ZMYM4: variants seen among roughly 807,000 people sequenced by gnomAD.
ZMYM4 encodes zinc finger MYM-type protein 4.
In ZMYM4, 31 loss-of-function variants were observed where a neutral mutation model predicts 183.2. The ratio of observed to expected loss-of-function variants is 0.17; its 90% CI spans 0.13 to 0.23. ZMYM4 has a LOEUF of 0.23. Ranked by LOEUF, ZMYM4 falls within the 10% of genes least tolerant of loss-of-function variation. The pLI, the probability that ZMYM4 is intolerant of heterozygous loss-of-function variation, is 1.00. For missense variants in ZMYM4, 1,273 were observed against 1,840.3 expected, an observed-to-expected ratio of 0.69 and a Z score of 5.64; for synonymous variants, 592 against 631.2, an observed-to-expected ratio of 0.94 and a Z score of 0.93.
chr1:35,411,193 T>C (rs1363354254), intron 26 of ZMYM4, among the ~76,000 whole-genome samples: 1 of 150,810 alleles, frequency 6.6e-6, no homozygotes, highest in Non-Finnish European at 1.5e-5. Flanking sequence ...TTTTCTTTTT[T>C]TTTTTTTTTT....
At chr1:35,331,797 C>A (rs202202226) in intron 2 of ZMYM4, among the ~76,000 whole-genome samples, 8,808 of 140,634 alleles carry the variant, frequency 0.063, 663 homozygotes, top group African/African-American at 0.17. Context: ...CTCAAAAATA[C>A]ATAAATAAAT....
intron 5 of ZMYM4, among the ~76,000 whole-genome samples, chr1:35,367,544 T>G (rs1181895595): frequency 1.3e-5 from 2 of 152,148 alleles, no homozygotes; most frequent in Non-Finnish European, 2.9e-5. Context: ...TATCCTACAA[T>G]TAGTTTCGTT....
chr1:35,344,046 A>C (rs1380253202), intron 2 of ZMYM4, among the ~76,000 whole-genome samples: 2 of 150,986 alleles, frequency 1.3e-5, no homozygotes, highest in South Asian at 4.2e-4. Context: ...ATAAGCATGG[A>C]ATATTTCTTT....
intron 29 of ZMYM4, among the ~76,000 whole-genome samples, chr1:35,418,789 AATCACTG>A (rs757268403): frequency 1.1e-4 from 17 of 152,250 alleles, no homozygotes; most frequent in Non-Finnish European, 2.2e-4. Context: ...CAAAAGCAAG[AATCACTG>A]CTATTGTTTG....
At chr1:35,311,101 T>A (rs1641775711) in intron 1 of ZMYM4, among the ~76,000 whole-genome samples, 1 of 152,090 alleles carries the variant, frequency 6.6e-6, no homozygotes, top group Non-Finnish European at 1.5e-5. Flanking sequence ...TATCTGTCGC[T>A]ATAGTTTTGT....
intron 1 of ZMYM4, among the ~76,000 whole-genome samples, chr1:35,296,546 G>A (rs1046171422): frequency 4.6e-5 from 7 of 152,138 alleles, no homozygotes; most frequent in Non-Finnish European, 7.3e-5. Context: ...TCCATTGTGT[G>A]TACCTGTCCC....
chr1:35,410,141 C>T (rs1034978027), intron 26 of ZMYM4, among the ~76,000 whole-genome samples: 6 of 152,032 alleles, frequency 3.9e-5, no homozygotes, highest in African/African-American at 1.4e-4. Context: ...TTTTAACAAT[C>T]AGATCTCTCA....
chr1:35,415,415 CTA>C, intron 27 of ZMYM4, 49 bp from the exon 28 acceptor site: 1 of 1,603,396 alleles, frequency 6.2e-7, no homozygotes, highest in South Asian at 1.1e-5. Context: ...ATTACTTAGT[CTA>C]CTTTAGCAGG....
intron 1 of ZMYM4, among the ~76,000 whole-genome samples, chr1:35,321,888 A>G (rs1570348864): frequency 6.6e-6 from 1 of 151,892 alleles, no homozygotes; most frequent in East Asian, 1.9e-4. Flanking sequence ...CTAGAAATTG[A>G]TCCTACAGAT....
chr1:35,270,819 C>T (rs1228897410), intron 1 of ZMYM4, among the ~76,000 whole-genome samples: 1 of 152,000 alleles, frequency 6.6e-6, no homozygotes, highest in East Asian at 1.9e-4. Flanking sequence ...CTTGTTTTAT[C>T]ATATATTTAC....
intron 2 of ZMYM4, among the ~76,000 whole-genome samples, chr1:35,346,650 C>CAAAAAAAAA (rs746472685): frequency 3.5e-4 from 19 of 54,150 alleles, no homozygotes; most frequent in East Asian, 1.3e-3. Flanking sequence ...GACTCCATCT[C>CAAAAAAAAA]AAAAAAAAAA....
At chr1:35,390,765 G>A (rs1168403740) in intron 15 of ZMYM4, among the ~76,000 whole-genome samples, 1 of 152,188 alleles carries the variant, frequency 6.6e-6, no homozygotes, top group Non-Finnish European at 1.5e-5. Context: ...TTATGGGAAA[G>A]GATAACAGTT....
At chr1:35,366,943 G>A (rs1374130063) in intron 5 of ZMYM4, among the ~76,000 whole-genome samples, 4 of 151,562 alleles carry the variant, frequency 2.6e-5, no homozygotes, top group Non-Finnish European at 4.4e-5. Flanking sequence ...AGGATCACTC[G>A]AGCCTGGGAG....
chr1:35,352,951 A>G (rs1643684458), intron 2 of ZMYM4, among the ~76,000 whole-genome samples: 1 of 152,168 alleles, frequency 6.6e-6, no homozygotes, highest in Non-Finnish European at 1.5e-5. Context: ...ACTACAGGCT[A>G]ATATATCCAA....
At chr1:35,300,435 G>A (rs549447334) in intron 1 of ZMYM4, among the ~76,000 whole-genome samples, 48 of 152,264 alleles carry the variant, frequency 3.2e-4, no homozygotes, top group Non-Finnish European at 5.3e-4. Context: ...GGTTCATTGA[G>A]CATTCTGATT....
At chr1:35,385,268 CA>C (rs1644551963) in intron 9 of ZMYM4, among the ~76,000 whole-genome samples, 173 bp from the exon 10 acceptor site, 1 of 152,172 alleles carries the variant, frequency 6.6e-6, no homozygotes, top group South Asian at 2.1e-4. Context: ...TACACAAATG[CA>C]AAATCTCAGA....
Position 35,397,734 on chromosome 1 carries a change from A to C in ZMYM4, c.3199+189A>C, listed in dbSNP as rs535016295. On this transcript the variant is annotated intron_variant, in intron 20 of 29. Coordinates refer to ENST00000314607, the MANE Select transcript of ZMYM4 (RefSeq NM_005095.3). ...TTATTGTTTTTATGAAGGAAAACCA[A>C]GTATTGGTATTCAATAGTTTTTAGT... Among the ~76,000 whole-genome samples, 4 of 152,298 alleles carry C rather than the reference A, an allele frequency of 2.6e-5. No homozygotes were observed. In the East Asian group the frequency reaches 7.7e-4, roughly 29 times the overall value.
At chr1:35,317,678 C>A (rs630530) in intron 1 of ZMYM4, among the ~76,000 whole-genome samples, 150,991 of 152,308 alleles carry the variant, frequency 0.99, 74,859 homozygotes, top group Non-Finnish European at 1. Context: ...TAGAACAGAT[C>A]GGGATGCTGC....
intron 1 of ZMYM4, among the ~76,000 whole-genome samples, chr1:35,304,328 A>G (rs1641428091): frequency 6.6e-6 from 1 of 152,136 alleles, no homozygotes; most frequent in Non-Finnish European, 1.5e-5. Flanking sequence ...CCGGCCATAC[A>G]GTTTCTTTAG....
Sources: allele counts gnomAD v4.1 joint callset (sites outside exome capture counted in the v4.1 genomes callset), GRCh38; gene constraint gnomAD v4.1.1; transcripts MANE v1.5; gene names NCBI Gene and HGNC (gene_info 2026-07-23, HGNC 2026-07-21).